Variants in EFL1 observed in about 807,000 individuals in gnomAD.
EFL1 encodes the protein elongation factor like GTPase 1, also known as elongation factor-like GTPase 1.
In EFL1, 76 loss-of-function variants were observed where a neutral mutation model predicts 126.7. The ratio of observed to expected loss-of-function variants is 0.60; its 90% CI spans 0.50 to 0.73. The LOEUF (loss-of-function observed/expected upper bound fraction) is 0.73, where lower values mean the gene tolerates loss of function less well. Among genes scored for constraint, EFL1 ranks in the 30% least tolerant of loss-of-function variants. The probability of loss-of-function intolerance (pLI) is 0.00; values close to 1 mark genes in which losing one functional copy is unlikely to be tolerated. For missense variants in EFL1, 1,128 were observed against 1,343.2 expected, an observed-to-expected ratio of 0.84 and a Z score of 2.50; for synonymous variants, 410 against 448.4, an observed-to-expected ratio of 0.91 and a Z score of 1.08.
At chr15:82,157,121 T>A (rs1468639817) in intron 17 of EFL1, among the ~76,000 whole-genome samples, 4 of 152,228 alleles carry the variant, frequency 2.6e-5, no homozygotes, top group Admixed American at 2.6e-4. Context: ...TGAATATGCA[T>A]AGAACAGTGC....
chr15:82,242,100 A>G (rs1204071928), intron 4 of EFL1, among the ~76,000 whole-genome samples: 1 of 152,232 alleles, frequency 6.6e-6, no homozygotes, highest in African/African-American at 2.4e-5. Context: ...CAAGAAAAAA[A>G]AAGATCATCT....
intron 18 of EFL1, among the ~76,000 whole-genome samples, chr15:82,139,167 A>C (rs2073758369): frequency 6.6e-6 from 1 of 152,222 alleles, no homozygotes; most frequent in African/African-American, 2.4e-5. Context: ...TTTGGGTCTG[A>C]AATCCAATGA....
chr15:82,138,623 A>C, intron 19 of EFL1, 35 bp downstream of exon 19: 1 of 1,605,148 alleles, frequency 6.2e-7, no homozygotes. Context: ...TCCATAGATG[A>C]GAAGGAAGGA....
intron 18 of EFL1, among the ~76,000 whole-genome samples, chr15:82,151,114 G>A (rs542192069): frequency 4.6e-5 from 7 of 152,332 alleles, no homozygotes; most frequent in African/African-American, 1.7e-4. Context: ...GCCAGGTGCA[G>A]TGGCTCACGC....
At chr15:82,214,671 A>T in intron 15 of EFL1, 46 bp downstream of exon 15, 2 of 1,237,748 alleles carry the variant, frequency 1.6e-6, no homozygotes, top group Non-Finnish European at 1.1e-6. Flanking sequence ...CATGTTAGAT[A>T]ATCTCCTAGA....
chr15:82,171,954 AT>A, intron 15 of EFL1, among the ~76,000 whole-genome samples: 1 of 152,120 alleles, frequency 6.6e-6, no homozygotes, highest in Non-Finnish European at 1.5e-5. Flanking sequence ...GGGACAAAAA[AT>A]TTTAAGTATA....
rs1341898642 is a variant in EFL1, at chr15:82,178,690, T to G, written c.1751-14706A>C. Among the ~76,000 whole-genome samples the G allele has an allele frequency of 3.3e-5, 5 of 152,330 alleles. No homozygotes were observed. In the East Asian group the frequency reaches 9.6e-4, roughly 29 times the overall value. ...TTACCCTGTCATGCCTGGTTTCTTCTCCCTTAGGAGGAATTTCATTCCAGG... is the reference window on the plus strand; with the variant it reads ...TTACCCTGTCATGCCTGGTTTCTTCGCCCTTAGGAGGAATTTCATTCCAGG... On this transcript the variant is annotated intron_variant, in intron 15 of 19. Coordinates refer to ENST00000268206, the MANE Select transcript of EFL1 (RefSeq NM_024580.6).
chr15:82,147,247 G>A (rs1161193738), intron 18 of EFL1, among the ~76,000 whole-genome samples: 1 of 152,078 alleles, frequency 6.6e-6, no homozygotes, highest in Admixed American at 6.6e-5. Flanking sequence ...GAGAAAACAG[G>A]TGCTCCCATT....
intron 4 of EFL1, among the ~76,000 whole-genome samples, chr15:82,247,852 G>A (rs1441311840): frequency 6.6e-6 from 1 of 152,042 alleles, no homozygotes; most frequent in Admixed American, 6.5e-5. Flanking sequence ...CTTGCATCGT[G>A]GGCAGTGACT....
At chr15:82,230,011 C>T (rs1487116175) in intron 8 of EFL1, among the ~76,000 whole-genome samples, 2 of 152,300 alleles carry the variant, frequency 1.3e-5, no homozygotes, top group Middle Eastern at 3.4e-3. Context: ...AAGGCATGCT[C>T]TTTCCCACTT....
intron 15 of EFL1, among the ~76,000 whole-genome samples, chr15:82,193,936 C>A (rs1157203008): frequency 6.6e-6 from 1 of 152,250 alleles, no homozygotes; most frequent in African/African-American, 2.4e-5. Flanking sequence ...AGTGCTGTCG[C>A]TAACACGGTG....
At chr15:82,177,760 G>A (rs1393189509) in intron 15 of EFL1, among the ~76,000 whole-genome samples, 2 of 152,122 alleles carry the variant, frequency 1.3e-5, no homozygotes, top group African/African-American at 2.4e-5. Context: ...GAATTTTCAA[G>A]TGTCTCCTTC....
intron 15 of EFL1, among the ~76,000 whole-genome samples, chr15:82,190,832 T>A (rs192833660): frequency 2.6e-5 from 4 of 152,198 alleles, no homozygotes. Context: ...ATTTATTATA[T>A]GTGTATATAT....
At chr15:82,195,064 T>C (rs1220908678) in intron 15 of EFL1, among the ~76,000 whole-genome samples, 1 of 152,240 alleles carries the variant, frequency 6.6e-6, no homozygotes, top group Non-Finnish European at 1.5e-5. Context: ...TAATAAACTG[T>C]CACTTTCTAC....
At chr15:82,211,110 A>T (rs1043107256) in intron 15 of EFL1, among the ~76,000 whole-genome samples, 1 of 152,048 alleles carries the variant, frequency 6.6e-6, no homozygotes, top group African/African-American at 2.4e-5. Context: ...AAAAAAAAAA[A>T]ATGTTGACAT....
intron 12 of EFL1, among the ~76,000 whole-genome samples, chr15:82,222,438 C>G (rs2074721533): frequency 6.6e-6 from 1 of 152,144 alleles, no homozygotes; most frequent in African/African-American, 2.4e-5. Context: ...TGTGATTTCA[C>G]TTTAGTTTTA....
intron 15 of EFL1, among the ~76,000 whole-genome samples, chr15:82,170,469 C>A (rs2074124017): frequency 6.6e-6 from 1 of 152,206 alleles, no homozygotes; most frequent in Non-Finnish European, 1.5e-5. Flanking sequence ...CAGGGTGGAG[C>A]ACAAGGCACA....
chr15:82,255,897 T>C (rs1457868773), intron 3 of EFL1, among the ~76,000 whole-genome samples: 1 of 152,226 alleles, frequency 6.6e-6, no homozygotes, highest in Non-Finnish European at 1.5e-5. Flanking sequence ...TCTTCTTCAG[T>C]CCCGGCTATT....
chr15:82,199,890 T>A (rs1247714482), intron 15 of EFL1, among the ~76,000 whole-genome samples: 1 of 152,158 alleles, frequency 6.6e-6, no homozygotes, highest in African/African-American at 2.4e-5. Context: ...TTATATAGAA[T>A]AAATGTTTAA....
Sources: gnomAD v4.1 joint callset for allele counts (sites outside exome capture counted in the v4.1 genomes callset) on GRCh38, gnomAD v4.1.1 for gene constraint, MANE v1.5 for transcripts, NCBI Gene and HGNC (gene_info 2026-07-23, HGNC 2026-07-21) for gene names.